Variants in PPARGC1B observed in about 807,000 individuals in gnomAD.
PPARGC1B encodes the protein peroxisome proliferator-activated receptor gamma coactivator 1-beta.
PPARGC1B carries 34 observed loss-of-function variants against 101.6 expected under a neutral mutation model. That is an observed-to-expected ratio of 0.33 (90% confidence interval 0.25 to 0.45). The LOEUF is 0.45. PPARGC1B is among the 20% of genes least tolerant of loss of function. PPARGC1B has a pLI of 1.00. For synonymous variants in PPARGC1B, 548 were observed against 539.3 expected (o/e 1.02, Z -0.22); for missense variants, 1,234 against 1,317.6 (o/e 0.94, Z 0.98).
Position 149,832,646 on chromosome 5 carries a change from C to T in PPARGC1B, c.583-10C>T. ...CCTCCTTCCTCACTCTGGCCTCTCTCCCTCTCTAGGCGGACAGCACCCAAG... is the reference window on the plus strand; with the variant it reads ...CCTCCTTCCTCACTCTGGCCTCTCTTCCTCTCTAGGCGGACAGCACCCAAG... On this transcript the variant is annotated splice_polypyrimidine_tract_variant and intron_variant, in intron 4 of 11. Coordinates refer to ENST00000309241, the MANE Select transcript of PPARGC1B (RefSeq NM_133263.4). The surrounding 1 kb of genome is among the most constrained non-coding windows in gnomAD (Gnocchi z 4.9). The T allele has an allele frequency of 6.6e-7, 1 of 1,522,222 alleles. No individual in the cohort carries two copies. The highest frequency in any genetic ancestry group is 1.3e-5 in the South Asian group (1 of 74,688). The allele number at this position is 1,522,222 out of a possible 1,614,324, so 94.3% of individuals were successfully genotyped here. A position where few individuals can be genotyped will look rare whatever the true frequency, so the allele number is the denominator to read the frequency against.
At chr5:149,846,387 A>C (rs901692507) in intron 11 of PPARGC1B, 7 of 187,994 alleles carry the variant, frequency 3.7e-5, no homozygotes, top group Non-Finnish European at 7.6e-5. Flanking sequence ...TAATCCCATC[A>C]CCTTGGGAGG....
chr5:149,857,733 T>C (rs146544573), downstream of PPARGC1B, among the ~76,000 whole-genome samples: 59 of 152,360 alleles, frequency 3.9e-4, no homozygotes, highest in East Asian at 0.01. Context: ...ATGTTCTCTG[T>C]GATCCTGGGC....
intron 8 of PPARGC1B, among the ~76,000 whole-genome samples, chr5:149,838,155 C>T (rs1759184738): frequency 6.6e-6 from 1 of 152,112 alleles, no homozygotes; most frequent in African/African-American, 2.4e-5. Flanking sequence ...AAAAAGACTT[C>T]AGCTTTATGT....
chr5:149,828,921 C>A (rs1288384713), intron 3 of PPARGC1B, among the ~76,000 whole-genome samples: 1 of 151,410 alleles, frequency 6.6e-6, no homozygotes, highest in South Asian at 2.1e-4. Flanking sequence ...TATGGTGGCA[C>A]GTGCCTGTAG....
chr5:149,852,907 C>CT lies in PPARGC1B; in HGVS notation c.*5350dup, dbSNP rs1299371106. The CT allele has an allele frequency of 5.3e-5, 8 of 152,116 alleles. No homozygotes were observed. The highest frequency in any genetic ancestry group is 1.2e-4 in the Non-Finnish European group (8 of 68,024). The allele number at this position is 152,116 out of a possible 1,614,324, so 9.4% of individuals were successfully genotyped here. A position where few individuals can be genotyped will look rare whatever the true frequency, so the allele number is the denominator to read the frequency against. ...TCCTGGGGACAGCTTTTCAGATACT[C>CT]TGTTTCATCAGTATGCTTTGCACAT... On this transcript the variant is annotated 3_prime_UTR_variant, in exon 12 of 12. Transcript: ENST00000309241.
intron 9 of PPARGC1B, among the ~76,000 whole-genome samples, chr5:149,840,932 C>G (rs1036034996): frequency 3.4e-4 from 52 of 152,250 alleles, no homozygotes; most frequent in African/African-American, 1.3e-3. Context: ...TCCTTAAAAC[C>G]GTGGACTGTG....
chr5:149,744,141 C>T (rs1003919282), intron 1 of PPARGC1B, among the ~76,000 whole-genome samples: 1 of 152,188 alleles, frequency 6.6e-6, no homozygotes, highest in African/African-American at 2.4e-5. Flanking sequence ...CAGTGCCCAG[C>T]CCAAGAAAAT....
intron 1 of PPARGC1B, among the ~76,000 whole-genome samples, chr5:149,802,484 C>A (rs1757462305): frequency 6.6e-6 from 1 of 151,880 alleles, no homozygotes; most frequent in Non-Finnish European, 1.5e-5. Context: ...CCATGGGGGT[C>A]TTTTCCTCCC....
rs970755366 is a variant in PPARGC1B at position 149,850,160 on chromosome 5, G to A, written c.*2602G>A. ...CTGGCACCCCGGTGTGCTGAAAGGAGTTGGTCCATATATGATCTCTTAGCC... is the reference window on the plus strand; with the variant it reads ...CTGGCACCCCGGTGTGCTGAAAGGAATTGGTCCATATATGATCTCTTAGCC... On this transcript the variant is annotated 3_prime_UTR_variant, in exon 12 of 12. Transcript: ENST00000309241. 3 of 152,232 alleles carry A rather than the reference G, an allele frequency of 2.0e-5. No individual in the cohort carries two copies. The highest frequency in any genetic ancestry group is 4.8e-5 in the African/African-American group (2 of 41,458). The allele number at this position is 152,232 out of a possible 1,614,324, so 9.4% of individuals were successfully genotyped here.
intron 1 of PPARGC1B, among the ~76,000 whole-genome samples, chr5:149,739,487 G>T (rs1036290850): frequency 6.6e-6 from 1 of 152,176 alleles, no homozygotes; most frequent in Admixed American, 6.5e-5. Flanking sequence ...TGGGGCAGGG[G>T]GCCCTTGGAG....
rs375819486 is a variant in PPARGC1B at position 149,836,258 on chromosome 5, G to A, written c.1808-5G>A. ...TATCTTACCTTTCTCCTCTTCCTCGGGCAGGACTCACCCCACCCACCACAC... is the reference window on the plus strand; with the variant it reads ...TATCTTACCTTTCTCCTCTTCCTCGAGCAGGACTCACCCCACCCACCACAC... On this transcript the variant is annotated splice_region_variant and splice_polypyrimidine_tract_variant and intron_variant, in intron 7 of 11. Transcript: ENST00000309241. 5.2e-6 allele frequency: 8 copies of A among 1,549,104 alleles called. No individual in the cohort carries two copies. The African/African-American group carries it at 9.7e-5, about 19-fold the overall frequency.
At chr5:149,784,900 G>A (rs528649171) in intron 1 of PPARGC1B, among the ~76,000 whole-genome samples, 9 of 152,244 alleles carry the variant, frequency 5.9e-5, no homozygotes, top group African/African-American at 2.2e-4. Flanking sequence ...TCCTTCTTGG[G>A]TCCTAATCTC....
At chr5:149,782,089 G>A (rs1427908481) in intron 1 of PPARGC1B, among the ~76,000 whole-genome samples, 5 of 152,042 alleles carry the variant, frequency 3.3e-5, no homozygotes, top group African/African-American at 1.2e-4. Flanking sequence ...CTAAGCCCAA[G>A]AAGAAGAGAG....
At chr5:149,821,378 T>C (rs1451069901) in intron 2 of PPARGC1B, among the ~76,000 whole-genome samples, 1 of 152,154 alleles carries the variant, frequency 6.6e-6, no homozygotes, top group Non-Finnish European at 1.5e-5. Flanking sequence ...CGGAATAATA[T>C]GATGTCTGGG....
intron 1 of PPARGC1B, among the ~76,000 whole-genome samples, chr5:149,812,926 A>G (rs1757920432): frequency 6.6e-6 from 1 of 152,210 alleles, no homozygotes; most frequent in South Asian, 2.1e-4. Flanking sequence ...GGTAAGAGGC[A>G]GGCCAAATAA....
intron 1 of PPARGC1B, among the ~76,000 whole-genome samples, chr5:149,808,631 G>A (rs946123124): frequency 3.3e-5 from 5 of 152,168 alleles, no homozygotes; most frequent in Non-Finnish European, 5.9e-5. Flanking sequence ...TGGTGACTGA[G>A]GCTGCCAGGA....
At chr5:149,820,980 A>G (rs547376299) in intron 2 of PPARGC1B, among the ~76,000 whole-genome samples, 1 of 152,344 alleles carries the variant, frequency 6.6e-6, no homozygotes, top group East Asian at 1.9e-4. Flanking sequence ...TTTACAGATA[A>G]GGAAAATGAG....
chr5:149,845,637 A>G (rs1031355952), intron 10 of PPARGC1B, 123 bp from the exon 11 acceptor site: 3 of 988,998 alleles, frequency 3.0e-6, no homozygotes, highest in South Asian at 3.2e-5. Context: ...ATCTCTATCT[A>G]GGGGGCCACG....
intron 1 of PPARGC1B, among the ~76,000 whole-genome samples, chr5:149,731,703 T>C (rs555089595): frequency 3.3e-4 from 45 of 136,468 alleles, no homozygotes; most frequent in African/African-American, 1.1e-3. Context: ...GCAGCTGTCA[T>C]GGGACCGGGT....
Sources: gnomAD v4.1 joint callset for allele counts (sites outside exome capture counted in the v4.1 genomes callset) on GRCh38, gnomAD v4.1.1 for gene constraint, Gnocchi (gnomAD v3.1) non-coding constraint, MANE v1.5 for transcripts, NCBI Gene and HGNC (gene_info 2026-07-23, HGNC 2026-07-21) for gene names.